The following DLG4 variants were observed in gnomAD, a reference collection of about 807,000 sequenced individuals.
The protein encoded by DLG4 is discs large MAGUK scaffold protein 4.
Under a neutral mutation model 93.8 loss-of-function variants are expected in DLG4, and 7 were observed. The ratio of observed to expected loss-of-function variants is 0.07; its 90% CI spans 0.04 to 0.14. The LOEUF is 0.14. Among genes scored for constraint, DLG4 ranks in the 10% least tolerant of loss-of-function variants. The pLI, the probability that DLG4 is intolerant of heterozygous loss-of-function variation, is 1.00. For synonymous variants in DLG4, 341 were observed against 387.6 expected, an observed-to-expected ratio of 0.88 and a Z score of 1.41; for missense variants, 545 against 992.9, an observed-to-expected ratio of 0.55 and a Z score of 6.06.
chr17:7,203,069 C>G lies in DLG4; in HGVS notation c.643-22G>C. 2 of 1,592,948 alleles carry G rather than the reference C, an allele frequency of 1.3e-6. No individual in the cohort carries two copies. The highest frequency in any genetic ancestry group is 1.7e-6 in the Non-Finnish European group (2 of 1,163,346). ...TGACCTGGAGTCAAGGAAAGCAAAG[C>G]TCAGACAAAGCCACAAATGGCCCAA... On this transcript the variant is annotated intron_variant, in intron 7 of 19. Transcript: ENST00000399506. The surrounding 1 kb of genome is among the most constrained non-coding windows in gnomAD (Gnocchi z 7.2).
chr17:7,199,479 G>A (rs978592911), intron 8 of DLG4, among the ~76,000 whole-genome samples: 5 of 151,974 alleles, frequency 3.3e-5, no homozygotes, highest in African/African-American at 1.2e-4. Flanking sequence ...GAGATTACAG[G>A]CATGAGCCAC....
At chr17:7,200,653 TCTC>T (rs2070072006) in intron 8 of DLG4, among the ~76,000 whole-genome samples, 1 of 151,874 alleles carries the variant, frequency 6.6e-6, no homozygotes, top group Non-Finnish European at 1.5e-5. Context: ...TTCAAGCAAT[TCTC>T]CTGCCTCAGC....
chr17:7,205,070 G>A, intron 2 of DLG4: 1 of 985,544 alleles, frequency 1.0e-6, no homozygotes, highest in South Asian at 4.7e-5. Context: ...CCCCACGTTA[G>A]CCAGGCCGAG....
At chr17:7,209,464 C>G (rs2070624121) in intron 1 of DLG4, among the ~76,000 whole-genome samples, 1 of 152,142 alleles carries the variant, frequency 6.6e-6, no homozygotes, top group African/African-American at 2.4e-5. Context: ...CTGAAGAAGA[C>G]AGAATGCACC....
chr17:7,219,320 C>G, upstream of DLG4: 3 of 880,912 alleles, frequency 3.4e-6, no homozygotes, highest in Non-Finnish European at 4.2e-6. Context: ...CTGGAAGGAA[C>G]AGAGGGCAAA....
upstream of DLG4, chr17:7,219,439 A>G (rs2071080359): frequency 9.8e-7 from 1 of 1,017,306 alleles, no homozygotes; most frequent in Middle Eastern, 5.0e-4. Context: ...GAGTTAGTGA[A>G]TGGCCTACAT....
chr17:7,202,151 A>G (rs1435033797), intron 8 of DLG4, among the ~76,000 whole-genome samples: 3 of 152,180 alleles, frequency 2.0e-5, no homozygotes, highest in Non-Finnish European at 2.9e-5. Context: ...TCATTGGCTT[A>G]CTGCAGCTTC....
At chr17:7,217,834 T>A (rs1304037135), upstream of DLG4, 1 of 1,533,710 alleles carries the variant, frequency 6.5e-7, no homozygotes, top group Admixed American at 2.0e-5. Context: ...ATTTCATTTC[T>A]TAGAGAAGGA....
At chr17:7,218,660 T>A, upstream of DLG4, 21 of 1,555,922 alleles carry the variant, frequency 1.3e-5, no homozygotes, top group Non-Finnish European at 1.8e-5. Flanking sequence ...GCAAGGAGAA[T>A]TGGGACAGGG....
intron 8 of DLG4, among the ~76,000 whole-genome samples, chr17:7,197,634 GC>G (rs1262403536): frequency 6.6e-6 from 1 of 152,012 alleles, no homozygotes; most frequent in East Asian, 1.9e-4. Context: ...ACAGGCGCGC[GC>G]CACCATGCCC....
chr17:7,207,942 G>C, intron 2 of DLG4: 24 of 511,220 alleles, frequency 4.7e-5, no homozygotes, highest in East Asian at 1.6e-4. Flanking sequence ...AGGAGCCCAA[G>C]CCCCAAACCC....
rs954013312 is a variant in DLG4 at position 7,197,036 on chromosome 17, C to T, written c.804G>A (p.Leu268=). The T allele has an allele frequency of 1.9e-6, 3 of 1,610,850 alleles. No individual in the cohort carries two copies. Among genetic ancestry groups the T allele is most frequent in the Non-Finnish European group, 2.5e-6 (3 of 1,177,936 alleles). Residue 268 remains leucine, a synonymous_variant, in exon 9 of 20, where the codon CTG becomes CTA. Coordinates refer to ENST00000399506, the MANE Select transcript of DLG4 (RefSeq NM_001321075.3). ...AGCTGCTGTGACTGATCTCATTGTC[C>T]AGGTGCTGGGAATAAGCTGAGGAAG... is the stretch of plus-strand genomic sequence containing the variant. ...PDITTSYSQH[L]DNEISHSSYL... is the part of the protein sequence containing the mutation.
rs374583156 is a variant in DLG4, at chr17:7,208,841, C to T, written c.31-602G>A. 4.9e-4 allele frequency among the ~76,000 whole-genome samples: 75 copies of T among 152,212 alleles called. No homozygotes were observed. Among genetic ancestry groups the T allele is most frequent in the Admixed American group, 1.8e-3 (28 of 15,290 alleles). On this transcript the variant is annotated intron_variant, in intron 1 of 19. Coordinates refer to ENST00000399506, the MANE Select transcript of DLG4 (RefSeq NM_001321075.3). The surrounding 1 kb of genome is among the most constrained non-coding windows in gnomAD (Gnocchi z 5.4). The stretch of plus-strand genomic sequence containing the variant: ...GCACTCCTTAGGCAAGGACTGAAGT[C>T]ACCCCTTCCACCAGAAGGTACTTGG...
chr17:7,194,515 C>A lies in DLG4; in HGVS notation c.1302-20G>T. On this transcript the variant is annotated intron_variant, in intron 11 of 19. Transcript: ENST00000399506. This position sits in a 1 kb window ranked among gnomAD's most constrained non-coding sequence, Gnocchi z 4.4. ...AGGGCCCTGGAGGGCAAGTGGCTAT[C>A]GGTCAGAGCCCAGCTGAGGACTCCA... is the stretch of plus-strand genomic sequence containing the variant. The A allele has an allele frequency of 6.3e-7, 1 of 1,588,630 alleles. No homozygotes were observed. The highest frequency in any genetic ancestry group is 1.1e-5 in the South Asian group (1 of 87,164).
At chr17:7,210,810 G>T (rs1277553835) in intron 1 of DLG4, among the ~76,000 whole-genome samples, 1 of 152,160 alleles carries the variant, frequency 6.6e-6, no homozygotes, top group Non-Finnish European at 1.5e-5. Context: ...ATCTGAGGAG[G>T]AAATGTCAGC....
At chr17:7,205,672 G>C (rs1022787403) in intron 2 of DLG4, among the ~76,000 whole-genome samples, 1 of 150,982 alleles carries the variant, frequency 6.6e-6, no homozygotes, top group Non-Finnish European at 1.5e-5. Context: ...GTCACTGACT[G>C]CCAAAATCTC....
chr17:7,196,121 C>T lies in DLG4; in HGVS notation c.1301+99G>A. The T allele has an allele frequency of 2.4e-6, 2 of 849,980 alleles. No homozygotes were observed. The highest frequency in any genetic ancestry group is 3.7e-6 in the Non-Finnish European group (2 of 546,726). 52.7% of individuals were successfully genotyped at this position (849,980 alleles called of 1,614,324 possible). On this transcript the variant is annotated intron_variant, in intron 11 of 19. Coordinates refer to ENST00000399506, the MANE Select transcript of DLG4 (RefSeq NM_001321075.3). This position sits in a 1 kb window ranked among gnomAD's most constrained non-coding sequence, Gnocchi z 8.3. ...TCAGGCCTGGGGTGGGGAGCTAGAG[C>T]AGGCAGGGTGGAGAAGAGGAGCGGC...
intron 17 of DLG4, chr17:7,192,273 A>G: frequency 2.5e-6 from 1 of 401,900 alleles, no homozygotes; most frequent in Non-Finnish European, 4.4e-6. Flanking sequence ...CCAGGCAGGC[A>G]GGGACCCAAG....
At chr17:7,215,581 G>A (rs990693835) in intron 1 of DLG4, among the ~76,000 whole-genome samples, 3 of 152,138 alleles carry the variant, frequency 2.0e-5, no homozygotes, top group East Asian at 1.9e-4. Context: ...AAAATCCACC[G>A]AAACTACAGG....
Sources: gnomAD v4.1 joint callset for allele counts (sites outside exome capture counted in the v4.1 genomes callset) on GRCh38, gnomAD v4.1.1 for gene constraint, Gnocchi (gnomAD v3.1) non-coding constraint, MANE v1.5 for transcripts, NCBI Gene and HGNC (gene_info 2026-07-23, HGNC 2026-07-21) for gene names.